TET3: variants seen among roughly 807,000 people sequenced by gnomAD.
The protein encoded by TET3 is tet methylcytosine dioxygenase 3.
A neutral mutation model predicts 141.4 loss-of-function variants in TET3; 19 were observed. That is an observed-to-expected ratio of 0.13 (90% CI 0.09 to 0.20). The LOEUF is 0.20. TET3 is among the 10% of genes least tolerant of loss of function. The pLI, the probability that TET3 is intolerant of heterozygous loss-of-function variation, is 1.00. For missense variants in TET3, 1,874 were observed against 2,356.9 expected, an observed-to-expected ratio of 0.80 and a Z score of 4.24; for synonymous variants, 1,043 against 980.9, an observed-to-expected ratio of 1.06 and a Z score of -1.18.
At chr2:74,052,803 G>A (rs562801615) in intron 4 of TET3, among the ~76,000 whole-genome samples, 1 of 152,146 alleles carries the variant, frequency 6.6e-6, no homozygotes, top group Non-Finnish European at 1.5e-5. Context: ...CTGGGAGGCC[G>A]AGGTTGCAGT....
At chr2:74,085,795 C>T (rs1276456883) in intron 6 of TET3, among the ~76,000 whole-genome samples, 2 of 152,184 alleles carry the variant, frequency 1.3e-5, no homozygotes, top group Non-Finnish European at 2.9e-5. Flanking sequence ...GAGACCCCTG[C>T]TCTAAGGTAC....
intron 3 of TET3, among the ~76,000 whole-genome samples, chr2:74,012,696 G>A (rs1256912443): frequency 1.3e-5 from 2 of 152,218 alleles, no homozygotes; most frequent in Non-Finnish European, 2.9e-5. Flanking sequence ...TATGTATTGA[G>A]TAGAGGACAT....
chr2:74,135,189 G>A, the TET3 span: 4 of 250,766 alleles, frequency 1.6e-5, no homozygotes, highest in South Asian at 1.2e-4. Context: ...GGGAAGAAAA[G>A]AATGATAAAC....
chr2:74,005,634 G>T (rs552819980), intron 3 of TET3, among the ~76,000 whole-genome samples: 33 of 152,166 alleles, frequency 2.2e-4, no homozygotes, highest in Non-Finnish European at 4.6e-4. Flanking sequence ...GGACACGGGG[G>T]TGTCACGAGA....
intron 10 of TET3, among the ~76,000 whole-genome samples, chr2:74,097,607 TG>T (rs1411277633): frequency 6.6e-6 from 1 of 151,466 alleles, no homozygotes; most frequent in Non-Finnish European, 1.5e-5. Context: ...AGAGGAAGAG[TG>T]GGGAGCATGG....
At chr2:73,987,223 G>A (rs1322809855) in intron 2 of TET3, among the ~76,000 whole-genome samples, 2 of 152,174 alleles carry the variant, frequency 1.3e-5, no homozygotes, top group East Asian at 3.9e-4. Flanking sequence ...ACGAACTGAT[G>A]TTTTGGGTTC....
chr2:74,117,130 T>G, the TET3 span, among the ~76,000 whole-genome samples: 1 of 152,146 alleles, frequency 6.6e-6, no homozygotes, highest in Non-Finnish European at 1.5e-5. Context: ...GGTAAAGAGA[T>G]AAATCAGGAT....
At chr2:74,032,646 C>CCCGGCTGGCCTCTGTCCA (rs1196186555) in intron 3 of TET3, among the ~76,000 whole-genome samples, 1 of 152,054 alleles carries the variant, frequency 6.6e-6, no homozygotes, top group African/African-American at 2.4e-5. Context: ...TCGATTTCCT[C>CCCGGCTGGCCTCTGTCCA]CCGGCTGGCC....
At position 74,100,931 on chromosome 2, in the gene TET3, C is replaced by A; in HGVS notation, c.4143C>A (p.Asp1381Glu). The A allele has an allele frequency of 6.2e-7, 1 of 1,610,952 alleles. No homozygotes were observed. Among genetic ancestry groups the A allele is most frequent in the Non-Finnish European group, 8.5e-7 (1 of 1,178,708 alleles). Residue 1381 changes from aspartate (D) to glutamate (E), a missense_variant, in exon 12 of 12, where the codon GAC becomes GAA. Transcript: ENST00000409262. ...CCCTACTCCACTCAGTGTCCAGGGA[C>A]CCCTCCCCCTTTGCCCAGAGCTCCA... is the stretch of plus-strand genomic sequence containing the variant. Reference protein sequence around the residue: ...KAPLLHSVSRDPSPFAQSSNC... With the variant: ...KAPLLHSVSREPSPFAQSSNC...
chr2:74,088,701 A>ATATT (rs888200560), intron 7 of TET3, among the ~76,000 whole-genome samples: 1 of 152,154 alleles, frequency 6.6e-6, no homozygotes, highest in African/African-American at 2.4e-5. Context: ...AAATGAAGGT[A>ATATT]TATTTATTTA....
intron 3 of TET3, among the ~76,000 whole-genome samples, chr2:74,022,749 C>T (rs773952315): frequency 2.0e-4 from 30 of 152,056 alleles, no homozygotes; most frequent in Non-Finnish European, 8.8e-5. Flanking sequence ...TTCAGTGAGT[C>T]TGAGATGAGG....
At chr2:74,013,085 C>T (rs1416195850) in intron 3 of TET3, among the ~76,000 whole-genome samples, 1 of 151,112 alleles carries the variant, frequency 6.6e-6, no homozygotes, top group Non-Finnish European at 1.5e-5. Flanking sequence ...ACCTCTGACT[C>T]CCTGGTTCAA....
chr2:74,007,269 C>T (rs991983006), intron 3 of TET3, among the ~76,000 whole-genome samples: 1 of 152,166 alleles, frequency 6.6e-6, no homozygotes, highest in African/African-American at 2.4e-5. Flanking sequence ...CAGATGCACC[C>T]AGCACTTTAC....
intron 3 of TET3, among the ~76,000 whole-genome samples, chr2:74,022,483 T>A (rs1377587010): frequency 6.6e-6 from 1 of 151,824 alleles, no homozygotes; most frequent in Admixed American, 6.6e-5. Flanking sequence ...CTGGAGGGTT[T>A]TTTTTTGTTT....
chr2:74,018,807 G>C (rs939547056), intron 3 of TET3, among the ~76,000 whole-genome samples: 2 of 142,924 alleles, frequency 1.4e-5, no homozygotes, highest in Admixed American at 7.1e-5. Flanking sequence ...ACCATGTTCT[G>C]CGAAAAATAC....
chr2:73,994,854 CT>C (rs950892718), intron 2 of TET3, among the ~76,000 whole-genome samples: 2 of 151,980 alleles, frequency 1.3e-5, no homozygotes, highest in African/African-American at 4.8e-5. Flanking sequence ...CCAGGCTGGT[CT>C]CGAACTCCTG....
intron 3 of TET3, among the ~76,000 whole-genome samples, chr2:74,007,320 G>A (rs972901191): frequency 2.0e-5 from 3 of 152,174 alleles, no homozygotes; most frequent in Admixed American, 2.0e-4. Flanking sequence ...AAGGGACTTC[G>A]AAGGTTGACT....
intron 3 of TET3, among the ~76,000 whole-genome samples, chr2:74,022,661 A>G (rs1226857259): frequency 6.6e-6 from 1 of 152,212 alleles, no homozygotes; most frequent in Non-Finnish European, 1.5e-5. Context: ...TTAGGCAGGT[A>G]TAGGCCAGAC....
At position 74,102,026 on chromosome 2, in the gene TET3, G is replaced by C. The variant is rs373195805; in HGVS notation, c.5238G>C (p.Trp1746Cys). ...AGCTCTACGGGAAGAAGCGCAAGTG[G>C]GGGGGCACTGTGGTTGCTGAGCCCC... is the stretch of plus-strand genomic sequence containing the variant. Reference protein sequence around the residue: ...EAKLYGKKRKWGGTVVAEPQQ... With the variant: ...EAKLYGKKRKCGGTVVAEPQQ... The change falls in exon 12 of 12, where the codon TGG (tryptophan) becomes TGC (cysteine). Residue 1746 changes from tryptophan to cysteine, a missense_variant. By Grantham distance (215) the Trp-to-Cys change is radical. This residue lies in a region of TET3 where 113 missense variants were observed against 114.3 expected (regional missense o/e 0.99). Coordinates refer to ENST00000409262, the MANE Select transcript of TET3 (RefSeq NM_001287491.2). 9.1e-5 allele frequency: 143 copies of C among 1,567,524 alleles called. No homozygotes were observed. The highest frequency in any genetic ancestry group is 1.1e-4 in the Non-Finnish European group (126 of 1,155,500).
Sources: gnomAD v4.1 joint callset for allele counts (sites outside exome capture counted in the v4.1 genomes callset) on GRCh38, gnomAD v4.1.1 for gene constraint, gnomAD v4.1.1 regional missense constraint, MANE v1.5 for transcripts, NCBI Gene and HGNC (gene_info 2026-07-23, HGNC 2026-07-21) for gene names.